GRIK1: variants seen among roughly 807,000 people sequenced by gnomAD.
GRIK1 encodes the protein glutamate receptor ionotropic, kainate 1.
In GRIK1, 69 loss-of-function variants were observed where a neutral mutation model predicts 105.7. That is an observed-to-expected ratio of 0.65 (90% CI 0.54 to 0.80). GRIK1 has a LOEUF of 0.80. Among genes scored for constraint, GRIK1 ranks in the 30% least tolerant of loss-of-function variants. The pLI is 0.00. For missense variants in GRIK1, 1,109 were observed against 1,167.3 expected, an observed-to-expected ratio of 0.95 and a Z score of 0.73; for synonymous variants, 438 against 431.3, an observed-to-expected ratio of 1.02 and a Z score of -0.19.
At chr21:29,558,865 A>G (rs1335584544) in intron 15 of GRIK1, among the ~76,000 whole-genome samples, 2 of 152,156 alleles carry the variant, frequency 1.3e-5, no homozygotes, top group Admixed American at 1.3e-4. Context: ...TCCTACCTCC[A>G]GCCCTGCGTC....
chr21:29,659,569 A>G (rs548881007), intron 4 of GRIK1, among the ~76,000 whole-genome samples: 1 of 152,290 alleles, frequency 6.6e-6, no homozygotes, highest in Non-Finnish European at 1.5e-5. Flanking sequence ...GCTACTGTAC[A>G]TGGAAATGCC....
At chr21:29,568,686 T>C (rs1023059198) in intron 14 of GRIK1, among the ~76,000 whole-genome samples, 14 of 152,256 alleles carry the variant, frequency 9.2e-5, no homozygotes, top group African/African-American at 3.1e-4. Context: ...GAATACTTCA[T>C]AGCTAATTTG....
chr21:29,739,093 A>G (rs461006), intron 1 of GRIK1, among the ~76,000 whole-genome samples: 113,729 of 152,178 alleles, frequency 0.75, 45,398 homozygotes, highest in South Asian at 0.89. Flanking sequence ...CATGAAAATT[A>G]TAGTACATTG....
At chr21:29,837,337 A>G (rs1028275191) in intron 1 of GRIK1, among the ~76,000 whole-genome samples, 3 of 152,196 alleles carry the variant, frequency 2.0e-5, no homozygotes, top group Non-Finnish European at 4.4e-5. Context: ...ATTGACAATG[A>G]ACTTCCTCAT....
chr21:29,790,339 G>A (rs935003733), intron 1 of GRIK1, among the ~76,000 whole-genome samples: 1 of 152,042 alleles, frequency 6.6e-6, no homozygotes, highest in African/African-American at 2.4e-5. Flanking sequence ...GAGCCACCTC[G>A]CCTGGCCAAG....
chr21:29,551,238 C>A (rs1252413508), intron 16 of GRIK1, among the ~76,000 whole-genome samples: 3 of 152,230 alleles, frequency 2.0e-5, no homozygotes, highest in Non-Finnish European at 4.4e-5. Flanking sequence ...GAGTGACGCT[C>A]TATGGGTTAT....
intron 7 of GRIK1, among the ~76,000 whole-genome samples, chr21:29,610,466 CAGAG>C (rs1295682426): frequency 2.6e-5 from 4 of 152,010 alleles, no homozygotes; most frequent in Non-Finnish European, 5.9e-5. Context: ...AAATAGAAGA[CAGAG>C]AGAAAGAGAC....
At chr21:29,596,863 TAAGGGTCTTCATTGTTCCTTAAG>T (rs1296221145) in intron 8 of GRIK1, 2 of 404,746 alleles carry the variant, frequency 4.9e-6, no homozygotes, top group Non-Finnish European at 9.2e-6. Flanking sequence ...GCTGCAGTAT[TAAGGGTCTTCATTGTTCCTTAAG>T]AAGACCCTTT....
chr21:29,560,068 T>A (rs889354305), intron 15 of GRIK1, among the ~76,000 whole-genome samples: 4 of 152,102 alleles, frequency 2.6e-5, no homozygotes, highest in African/African-American at 9.7e-5. Context: ...GATCATCCCT[T>A]TCAAATGACA....
At chr21:29,746,624 T>A (rs975850954) in intron 1 of GRIK1, among the ~76,000 whole-genome samples, 2 of 152,248 alleles carry the variant, frequency 1.3e-5, no homozygotes, top group Non-Finnish European at 2.9e-5. Flanking sequence ...ATGATTGTAA[T>A]TGTAAAGTGA....
intron 1 of GRIK1, among the ~76,000 whole-genome samples, chr21:29,697,475 AT>A (rs536241353): frequency 3.2e-4 from 49 of 150,932 alleles, no homozygotes; most frequent in Non-Finnish European, 5.5e-4. Context: ...TTTCAGAGCA[AT>A]TTTTTTTTCA....
In GRIK1 at chr21:29,831,419, A is replaced by G. The variant is rs1049960132; in HGVS notation, c.118+107964T>C. ...ACCCCCTGTATTCGTCCATTCTCAC[A>G]TTGCTATAAAGAACTACCTGAGACT... On this transcript the variant is annotated intron_variant, in intron 1 of 17. Coordinates refer to ENST00000327783, the MANE Select transcript of GRIK1 (RefSeq NM_001330994.2). Among the ~76,000 whole-genome samples the G allele has an allele frequency of 2.0e-5, 3 of 152,188 alleles. No homozygotes were observed. The East Asian group carries it at 5.8e-4, about 29-fold the overall frequency.
At chr21:29,751,038 G>A (rs956445287) in intron 1 of GRIK1, among the ~76,000 whole-genome samples, 2 of 152,122 alleles carry the variant, frequency 1.3e-5, no homozygotes, top group African/African-American at 4.8e-5. Context: ...GGGGTCACAA[G>A]GTGCTCAGTG....
chr21:29,789,698 G>C (rs2066359790), intron 1 of GRIK1, among the ~76,000 whole-genome samples: 1 of 152,072 alleles, frequency 6.6e-6, no homozygotes, highest in African/African-American at 2.4e-5. Context: ...ATTTTCTTAA[G>C]TCCAGATTTG....
chr21:29,726,911 T>A (rs1245217469), intron 1 of GRIK1, among the ~76,000 whole-genome samples: 4 of 151,412 alleles, frequency 2.6e-5, no homozygotes, highest in African/African-American at 9.7e-5. Flanking sequence ...TCAATTTTTA[T>A]ATTTATTTTT....
chr21:29,739,309 C>T lies in GRIK1; in HGVS notation c.119-45246G>A, dbSNP rs116401571. On this transcript the variant is annotated intron_variant, in intron 1 of 17. Transcript: ENST00000327783. ...CAGAAGACATTCTAGGGAGAGGAAA[C>T]GGAATAAGGGAGGGGGAGAGACCAA... 2.7e-3 allele frequency among the ~76,000 whole-genome samples: 414 copies of T among 152,060 alleles called. 2 individuals are homozygous for T. Among genetic ancestry groups the T allele is most frequent in the African/African-American group, 9.4e-3 (391 of 41,466 alleles).
chr21:29,721,096 C>G (rs1420982250), intron 1 of GRIK1, among the ~76,000 whole-genome samples: 2 of 152,222 alleles, frequency 1.3e-5, no homozygotes, highest in African/African-American at 4.8e-5. Flanking sequence ...CATCCCCCTC[C>G]CCTCTCCCCT....
chr21:29,716,226 C>A (rs569359122), intron 1 of GRIK1, among the ~76,000 whole-genome samples: 6 of 152,194 alleles, frequency 3.9e-5, no homozygotes, highest in Non-Finnish European at 7.3e-5. Flanking sequence ...AATTACCCAT[C>A]TCAGGTATTT....
At chr21:29,898,946 T>C (rs1028231617) in intron 1 of GRIK1, among the ~76,000 whole-genome samples, 1 of 151,362 alleles carries the variant, frequency 6.6e-6, no homozygotes, top group African/African-American at 2.4e-5. Flanking sequence ...CACTCCAGCC[T>C]GGGCAACAAG....
Sources: gnomAD v4.1 joint callset for allele counts (sites outside exome capture counted in the v4.1 genomes callset) on GRCh38, gnomAD v4.1.1 for gene constraint, MANE v1.5 for transcripts, NCBI Gene and HGNC (gene_info 2026-07-23, HGNC 2026-07-21) for gene names.